The following MACF1 variants were observed in gnomAD, a reference collection of about 807,000 sequenced individuals.
The protein encoded by MACF1 is microtubule-actin cross-linking factor 1.
In MACF1, 193 loss-of-function variants were observed where a neutral mutation model predicts 854.8. The ratio of observed to expected loss-of-function variants is 0.23; its 90% CI spans 0.20 to 0.25. MACF1 has a LOEUF of 0.25. Among genes scored for constraint, MACF1 ranks in the 10% least tolerant of loss-of-function variants. The pLI, the probability that MACF1 is intolerant of heterozygous loss-of-function variation, is 1.00. For synonymous variants in MACF1, 3,185 were observed against 3,226.7 expected (o/e 0.99, Z 0.44); for missense variants, 7,722 against 8,929.1 (o/e 0.86, Z 5.45).
In MACF1 at chr1:39,257,936, G is replaced by T; in HGVS notation, c.436G>T (p.Val146Leu). Residue 146 changes from valine to leucine, a missense_variant and splice_region_variant, in exon 6 of 101, where the codon GTG becomes TTG. Coordinates refer to ENST00000564288, the MANE Select transcript of MACF1 (RefSeq NM_001394062.1). ...AGCCGTGCTTTTATTTCTTTTTCAGGTGAAACTAGTGAATATTCGCAATGA... is the reference window on the plus strand; with the variant it reads ...AGCCGTGCTTTTATTTCTTTTTCAGTTGAAACTAGTGAATATTCGCAATGA... ...IALDFLKQRQ[V>L]KLVNIRNDDI... The T allele has an allele frequency of 6.2e-7, 1 of 1,611,686 alleles. No individual in the cohort carries two copies. The highest frequency in any genetic ancestry group is 2.2e-5 in the East Asian group (1 of 44,860).
At chr1:39,186,170 ATCTCTCTCTCTC>A (rs55658204) in intron 2 of MACF1, among the ~76,000 whole-genome samples, 69,485 of 110,058 alleles carry the variant, frequency 0.63, 21,981 homozygotes, top group East Asian at 0.74. Flanking sequence ...GATTCTGAAC[ATCTCTCTCTCTC>A]TCTCTCTCTC....
intron 2 of MACF1, among the ~76,000 whole-genome samples, chr1:39,232,756 T>TTTTG (rs1553174813): frequency 7.1e-6 from 1 of 141,120 alleles, no homozygotes; most frequent in Non-Finnish European, 1.6e-5. Context: ...GTTTTTTTTT[T>TTTTG]TTTTTTTTTT....
rs748337728 is a variant in MACF1, at chr1:39,334,419, T to C, written c.7831T>C (p.Ser2611Pro). The C allele has an allele frequency of 1.5e-5, 24 of 1,613,942 alleles. No individual in the cohort carries two copies. The South Asian group carries it at 2.5e-4, about 17-fold the overall frequency. Residue 2611 changes from serine to proline, a missense_variant, in exon 37 of 101, where the codon TCT becomes CCT. Ser to Pro is a moderately conservative substitution (Grantham distance 74, BLOSUM62 -1). This residue lies in a region of MACF1 where 1,531 missense variants were observed against 1,601.6 expected (regional missense o/e 0.96). Transcript: ENST00000564288. ...ACTGTTAACTAATGAAGCAGTATTG[T>C]CTCCAGGAATGATGCATGGCATTGT... is the stretch of plus-strand genomic sequence containing the variant. ...EGLLTNEAVL[S>P]PGMMHGIVDP...
chr1:39,254,062 G>T (rs1571225488), intron 4 of MACF1: 1 of 478,610 alleles, frequency 2.1e-6, no homozygotes, highest in Non-Finnish European at 3.8e-6. Flanking sequence ...TGGTCAAACA[G>T]TATTCTGTGT....
chr1:39,397,560 CAAA>C (rs1289604143), intron 58 of MACF1, among the ~76,000 whole-genome samples: 1 of 131,196 alleles, frequency 7.6e-6, no homozygotes. Flanking sequence ...AACTTCGTTC[CAAA>C]AAAAAAAAAA....
intron 1 of MACF1, chr1:39,206,955 A>C (rs998300648): frequency 1.3e-5 from 2 of 151,954 alleles, no homozygotes; most frequent in Non-Finnish European, 2.9e-5. Flanking sequence ...TTAAAAACAC[A>C]AAGATCGCTT....
intron 6 of MACF1, among the ~76,000 whole-genome samples, chr1:39,279,296 C>T (rs1645498322): frequency 6.6e-6 from 1 of 152,178 alleles, no homozygotes; most frequent in South Asian, 2.1e-4. Context: ...ATGCAAGCTT[C>T]CCATACTCTT....
At chr1:39,120,838 T>A (rs1490654583) in intron 2 of MACF1, 2 of 152,254 alleles carry the variant, frequency 1.3e-5, no homozygotes, top group African/African-American at 4.8e-5. Flanking sequence ...GCAAACAATC[T>A]AATTACACTC....
At chr1:39,255,508 T>C (rs1399865512) in intron 5 of MACF1, among the ~76,000 whole-genome samples, 1 of 152,180 alleles carries the variant, frequency 6.6e-6, no homozygotes, top group Non-Finnish European at 1.5e-5. Flanking sequence ...TTGGAGTCAG[T>C]TCATTTTTGA....
At chr1:39,365,281 T>G (rs1027521925) in intron 49 of MACF1, among the ~76,000 whole-genome samples, 4 of 152,138 alleles carry the variant, frequency 2.6e-5, no homozygotes, top group African/African-American at 9.7e-5. Flanking sequence ...TTTCACCATG[T>G]TAGCCAGGAT....
intron 2 of MACF1, chr1:39,102,929 G>C (rs1401109737): frequency 4.3e-6 from 3 of 701,892 alleles, no homozygotes; most frequent in Non-Finnish European, 7.8e-6. Context: ...CAGCCGCTTT[G>C]TTCCTCTAGC....
intron 2 of MACF1, among the ~76,000 whole-genome samples, chr1:39,185,307 A>C (rs945868604): frequency 6.7e-6 from 1 of 148,620 alleles, no homozygotes; most frequent in Non-Finnish European, 1.5e-5. Context: ...AAAAAAAAAC[A>C]AAAAAGGAAA....
At chr1:39,232,499 C>T (rs918962865) in intron 2 of MACF1, among the ~76,000 whole-genome samples, 6 of 152,118 alleles carry the variant, frequency 3.9e-5, no homozygotes, top group Non-Finnish European at 7.4e-5. Context: ...GCTTTTCTTC[C>T]TCTGTCTGAC....
intron 2 of MACF1, among the ~76,000 whole-genome samples, chr1:39,175,091 T>C (rs747157835): frequency 6.6e-6 from 1 of 152,238 alleles, no homozygotes; most frequent in Non-Finnish European, 1.5e-5. Flanking sequence ...TCTTTAGTTT[T>C]TAGAAGGACT....
intron 58 of MACF1, 145 bp downstream of exon 58, chr1:39,388,803 T>C: frequency 3.1e-6 from 2 of 634,932 alleles, no homozygotes; most frequent in Non-Finnish European, 2.4e-6. Context: ...GTCTGAAGAC[T>C]AAATAGTCTC....
At chr1:39,165,333 G>A (rs1465352700) in intron 2 of MACF1, among the ~76,000 whole-genome samples, 1 of 152,056 alleles carries the variant, frequency 6.6e-6, no homozygotes, top group Non-Finnish European at 1.5e-5. Context: ...ACAGCACTAG[G>A]CACCTAGTAG....
chr1:39,365,158 G>A (rs1381939835), intron 49 of MACF1, among the ~76,000 whole-genome samples: 2 of 151,928 alleles, frequency 1.3e-5, no homozygotes, highest in African/African-American at 4.8e-5. Context: ...CTCACTGCAA[G>A]CTCTGCCTTC....
At chr1:39,252,169 C>T (rs1645047325) in intron 4 of MACF1, among the ~76,000 whole-genome samples, 1 of 152,158 alleles carries the variant, frequency 6.6e-6, no homozygotes, top group South Asian at 2.1e-4. Context: ...GAAGGGTTGG[C>T]ACAAAAAGAA....
intron 100 of MACF1, 32 bp from the exon 101 acceptor site, chr1:39,485,506 A>G: frequency 1.3e-6 from 2 of 1,575,874 alleles, no homozygotes; most frequent in Non-Finnish European, 1.7e-6. Flanking sequence ...TGCCATCTCT[A>G]TTAAGTCTGC....
Sources: allele counts gnomAD v4.1 joint callset (sites outside exome capture counted in the v4.1 genomes callset), GRCh38; gene constraint gnomAD v4.1.1; regional missense constraint gnomAD v4.1.1; transcripts MANE v1.5; gene names NCBI Gene and HGNC (gene_info 2026-07-23, HGNC 2026-07-21).